The following PKHD1 variants were observed in gnomAD, a reference collection of about 807,000 sequenced individuals.
PKHD1 encodes PKHD1 ciliary IPT domain containing fibrocystin/polyductin, also known as fibrocystin.
PKHD1 carries 291 observed loss-of-function variants against 412.0 expected under a neutral mutation model. The observed-to-expected ratio is 0.71, with a 90% CI of 0.64 to 0.78. The LOEUF (loss-of-function observed/expected upper bound fraction) is 0.78, where lower values mean the gene tolerates loss of function less well. PKHD1 is among the 30% of genes least tolerant of loss of function. The pLI, the probability that PKHD1 is intolerant of heterozygous loss-of-function variation, is 0.00. For missense variants in PKHD1, 4,825 were observed against 4,950.7 expected (o/e 0.97, Z 0.76); for synonymous variants, 1,777 against 1,821.5 (o/e 0.98, Z 0.62).
intron 43 of PKHD1, among the ~76,000 whole-genome samples, chr6:51,896,155 T>C (rs1399708645): frequency 1.3e-5 from 2 of 152,098 alleles, no homozygotes; most frequent in Admixed American, 6.5e-5. Flanking sequence ...TCGAACTGGG[T>C]GGAGCCCACC....
At chr6:51,943,492 C>G (rs1788916019) in intron 36 of PKHD1, among the ~76,000 whole-genome samples, 1 of 151,494 alleles carries the variant, frequency 6.6e-6, no homozygotes, top group Admixed American at 6.6e-5. Context: ...CTTGTTTACA[C>G]TGCCGGTTTA....
At chr6:51,718,209 C>T (rs1781496010) in intron 60 of PKHD1, among the ~76,000 whole-genome samples, 1 of 152,198 alleles carries the variant, frequency 6.6e-6, no homozygotes. Flanking sequence ...GGAAAAAGCA[C>T]TTCCCTTATC....
chr6:51,798,924 T>C (rs1225837689), intron 52 of PKHD1, among the ~76,000 whole-genome samples: 1 of 152,200 alleles, frequency 6.6e-6, no homozygotes, highest in Non-Finnish European at 1.5e-5. Context: ...TGCTTTTAGA[T>C]GTATTTCTCA....
chr6:51,934,354 G>T (rs574957063), intron 36 of PKHD1, 32 bp from the exon 37 acceptor site: 2 of 1,407,590 alleles, frequency 1.4e-6, no homozygotes, highest in African/African-American at 1.4e-5. Context: ...GTCAGTCCCT[G>T]GGAGGATAAG....
At chr6:52,019,743 C>T (rs1469530687) in intron 33 of PKHD1, among the ~76,000 whole-genome samples, 3 of 152,120 alleles carry the variant, frequency 2.0e-5, no homozygotes, top group Admixed American at 6.5e-5. Context: ...GGTATAAATG[C>T]AAGAAAGCCA....
chr6:51,621,628 G>T (rs1307763850), intron 66 of PKHD1, among the ~76,000 whole-genome samples: 2 of 152,116 alleles, frequency 1.3e-5, no homozygotes, highest in Non-Finnish European at 2.9e-5. Context: ...AATCTCCCAT[G>T]AATTATTTAC....
intron 60 of PKHD1, among the ~76,000 whole-genome samples, chr6:51,726,046 T>C (rs1782532336): frequency 6.6e-6 from 1 of 152,190 alleles, no homozygotes; most frequent in South Asian, 2.1e-4. Context: ...CTCTGCAAAA[T>C]TAATTGCTGC....
chr6:52,059,894 A>C, intron 15 of PKHD1, 34 bp downstream of exon 15: 1 of 1,040,898 alleles, frequency 9.6e-7, no homozygotes, highest in East Asian at 2.4e-5. Context: ...GGGACTGGCA[A>C]CAGAGAAAAG....
chr6:51,745,606 A>G (rs1415866645), intron 59 of PKHD1, among the ~76,000 whole-genome samples: 3 of 152,148 alleles, frequency 2.0e-5, no homozygotes, highest in African/African-American at 4.8e-5. Flanking sequence ...TGGGAGGCTG[A>G]GGCGGGAGGA....
At chr6:51,972,511 T>A (rs535071929) in intron 35 of PKHD1, among the ~76,000 whole-genome samples, 81 of 152,340 alleles carry the variant, frequency 5.3e-4, no homozygotes, top group African/African-American at 1.8e-3. Flanking sequence ...GAAATCTCAA[T>A]AACCTAGAAT....
intron 49 of PKHD1, among the ~76,000 whole-genome samples, chr6:51,854,213 G>A (rs890609150): frequency 6.6e-6 from 1 of 151,836 alleles, no homozygotes; most frequent in Non-Finnish European, 1.5e-5. Flanking sequence ...GTTTGCTGGG[G>A]GTTCACTTCA....
intron 55 of PKHD1, among the ~76,000 whole-genome samples, chr6:51,757,705 A>T (rs1006827514): frequency 2.6e-5 from 4 of 152,070 alleles, no homozygotes; most frequent in Non-Finnish European, 5.9e-5. Flanking sequence ...ATTTAATAAA[A>T]ATAAGACTAT....
At chr6:51,945,877 C>T (rs1379975605) in intron 36 of PKHD1, among the ~76,000 whole-genome samples, 1 of 152,204 alleles carries the variant, frequency 6.6e-6, no homozygotes, top group Non-Finnish European at 1.5e-5. Flanking sequence ...TTTGCACAAA[C>T]CTTCCCCAGT....
chr6:51,743,098 C>T (rs1207326725), intron 60 of PKHD1, among the ~76,000 whole-genome samples: 1 of 152,250 alleles, frequency 6.6e-6, no homozygotes, highest in East Asian at 1.9e-4. Context: ...ACAAGACTTA[C>T]AGGCTTGTAG....
intron 46 of PKHD1, among the ~76,000 whole-genome samples, chr6:51,871,150 T>A (rs1775932126): frequency 6.6e-6 from 1 of 152,176 alleles, no homozygotes; most frequent in Non-Finnish European, 1.5e-5. Flanking sequence ...GCCCTTATCA[T>A]ATGACCTAGC....
intron 52 of PKHD1, among the ~76,000 whole-genome samples, chr6:51,794,603 G>T (rs915680605): frequency 1.3e-5 from 2 of 152,138 alleles, no homozygotes; most frequent in Non-Finnish European, 2.9e-5. Flanking sequence ...CTGTGCCTTT[G>T]TCCTGAATGG....
intron 60 of PKHD1, among the ~76,000 whole-genome samples, chr6:51,704,422 A>C (rs1195793609): frequency 1.3e-5 from 2 of 152,128 alleles, no homozygotes; most frequent in Non-Finnish European, 2.9e-5. Context: ...ACACTTACAT[A>C]ATCAGATTAA....
Position 51,659,267 on chromosome 6 carries a change from C to A in PKHD1, c.10859G>T (p.Arg3620Leu), listed in dbSNP as rs149163661. 2 of 1,613,626 alleles carry A rather than the reference C, an allele frequency of 1.2e-6. No individual in the cohort carries two copies. Among genetic ancestry groups the A allele is most frequent in the Non-Finnish European group, 1.7e-6 (2 of 1,179,824 alleles). ...AIADSRAKRK[R>L]NCPTVTCTSH... ...AGTGCAAGTCACAGTAGGGCAATTG[C>A]GCTTTCTTTTTGCTCTACTGTCAGC... Residue 3620 changes from arginine (R) to leucine (L), a missense_variant, in exon 61 of 67, where the codon CGC becomes CTC. By Grantham distance (102) the Arg-to-Leu change is moderately radical (BLOSUM62 -2). Coordinates refer to ENST00000371117, the MANE Select transcript of PKHD1 (RefSeq NM_138694.4).
rs774541754 is a variant in PKHD1 at position 52,048,640 on chromosome 6, A to T, written c.2280-21T>A. 22 of 1,613,700 alleles carry T rather than the reference A, an allele frequency of 1.4e-5. No individual in the cohort carries two copies. In the East Asian group the frequency reaches 4.5e-4, roughly 33 times the overall value. Reference sequence around the variant, plus strand: ...CAGAGCTGTGGCACGTCAGAAACAAAGTATTAACGTCTGGGTTGGGGTGTG... The same window carrying T: ...CAGAGCTGTGGCACGTCAGAAACAATGTATTAACGTCTGGGTTGGGGTGTG... On this transcript the variant is annotated intron_variant, in intron 22 of 66. Transcript: ENST00000371117.
Sources: allele counts gnomAD v4.1 joint callset (sites outside exome capture counted in the v4.1 genomes callset), GRCh38; gene constraint gnomAD v4.1.1; transcripts MANE v1.5; gene names NCBI Gene and HGNC (gene_info 2026-07-23, HGNC 2026-07-21).